Variants in ESRRG observed in about 807,000 individuals in gnomAD.
ESRRG encodes estrogen-related receptor gamma.
Under a neutral mutation model 44.0 loss-of-function variants are expected in ESRRG, and 13 were observed. The observed-to-expected ratio is 0.30, with a 90% CI of 0.19 to 0.47. ESRRG has a LOEUF of 0.47. Among genes scored for constraint, ESRRG ranks in the 20% least tolerant of loss-of-function variants. The pLI is 1.00. For synonymous variants in ESRRG, 215 were observed against 214.6 expected, an observed-to-expected ratio of 1.00 and a Z score of -0.02; for missense variants, 395 against 580.6, an observed-to-expected ratio of 0.68 and a Z score of 3.29.
upstream of ESRRG, among the ~76,000 whole-genome samples, chr1:216,727,624 C>A (rs1339797528): frequency 6.6e-6 from 1 of 152,096 alleles, no homozygotes; most frequent in African/African-American, 2.4e-5. Context: ...ATTCATCATT[C>A]CTCATTTTCT....
At chr1:216,649,709 TGA>T (rs1559021686) in intron 3 of ESRRG, among the ~76,000 whole-genome samples, 1 of 152,292 alleles carries the variant, frequency 6.6e-6, no homozygotes, top group East Asian at 1.9e-4. Context: ...TAGAAGAATT[TGA>T]GAGTGTCTTC....
chr1:216,523,146 A>C (rs1833037), intron 5 of ESRRG, among the ~76,000 whole-genome samples: 115,240 of 152,056 alleles, frequency 0.76, 43,822 homozygotes, highest in East Asian at 0.83. Context: ...TTTTTCTTCC[A>C]CAGCTATAGC....
At chr1:216,855,637 A>G (rs1045196859) in intron 2 of ESRRG, among the ~76,000 whole-genome samples, 4 of 152,146 alleles carry the variant, frequency 2.6e-5, no homozygotes, top group African/African-American at 9.7e-5. Flanking sequence ...GGCACGTGGA[A>G]GGAAGAGTCC....
At chr1:216,539,906 T>C (rs1312557830) in intron 5 of ESRRG, among the ~76,000 whole-genome samples, 1 of 152,066 alleles carries the variant, frequency 6.6e-6, no homozygotes, top group Non-Finnish European at 1.5e-5. Flanking sequence ...AAAATATTTC[T>C]TAATTCTACC....
chr1:216,556,210 A>T (rs2057516049), intron 5 of ESRRG, among the ~76,000 whole-genome samples: 1 of 151,906 alleles, frequency 6.6e-6, no homozygotes, highest in East Asian at 1.9e-4. Flanking sequence ...TCCATTAACA[A>T]AAAAGAAGAG....
At chr1:216,963,196 A>G (rs1334542081) in intron 1 of ESRRG, among the ~76,000 whole-genome samples, 1 of 152,196 alleles carries the variant, frequency 6.6e-6, no homozygotes, top group Non-Finnish European at 1.5e-5. Context: ...CCCTGAGGAA[A>G]GAACAAAAGG....
chr1:216,993,154 T>C (rs2075956947), intron 1 of ESRRG, among the ~76,000 whole-genome samples: 1 of 152,210 alleles, frequency 6.6e-6, no homozygotes, highest in African/African-American at 2.4e-5. Context: ...AATGAATGAG[T>C]TATTTTATTC....
chr1:216,736,044 A>C (rs939634436), intron 2 of ESRRG, among the ~76,000 whole-genome samples: 1 of 148,948 alleles, frequency 6.7e-6, no homozygotes, highest in Admixed American at 6.7e-5. Flanking sequence ...GGGTCACTAT[A>C]CTCACCTTCA....
chr1:216,681,452 C>T (rs930478072), intron 1 of ESRRG, among the ~76,000 whole-genome samples: 1 of 152,198 alleles, frequency 6.6e-6, no homozygotes, highest in Admixed American at 6.5e-5. Context: ...GCTCCCCCCA[C>T]CCGACAACAG....
At chr1:216,575,075 T>C (rs1473485128) in intron 3 of ESRRG, among the ~76,000 whole-genome samples, 4 of 152,034 alleles carry the variant, frequency 2.6e-5, no homozygotes, top group African/African-American at 9.7e-5. Context: ...CAGTGGCAAT[T>C]TTAGTGCCAG....
At chr1:216,554,449 T>C (rs2057094260) in intron 5 of ESRRG, among the ~76,000 whole-genome samples, 1 of 106,446 alleles carries the variant, frequency 9.4e-6, no homozygotes, top group Admixed American at 9.9e-5. Flanking sequence ...AGTGACTCTG[T>C]CTCAAAAAAA....
At chr1:216,974,019 C>CTCAG (rs1311523430) in intron 1 of ESRRG, among the ~76,000 whole-genome samples, 3 of 152,110 alleles carry the variant, frequency 2.0e-5, no homozygotes, top group Non-Finnish European at 2.9e-5. Context: ...AACACAGTAA[C>CTCAG]TCAGTCACAA....
rs146296506 is a variant in ESRRG at position 217,041,017 on chromosome 1, T to C, written c.-106+48490A>G. Among the ~76,000 whole-genome samples the C allele has an allele frequency of 3.6e-3, 554 of 152,334 alleles. 2 individuals carry two copies. Among genetic ancestry groups the C allele is most frequent in the African/African-American group, 0.013 (525 of 41,588 alleles). Reference sequence around the variant, plus strand: ...TATATTCAGTTACTCCTTTTTTACATTGGGAACCCTCAACAGCTCAGATAA... The same window carrying C: ...TATATTCAGTTACTCCTTTTTTACACTGGGAACCCTCAACAGCTCAGATAA... On this transcript the variant is annotated intron_variant, in intron 1 of 7. Transcript: ENST00000359162.
chr1:216,724,377 T>TTG (rs1553543746), upstream of ESRRG, among the ~76,000 whole-genome samples: 1 of 150,846 alleles, frequency 6.6e-6, no homozygotes, highest in Non-Finnish European at 1.5e-5. Context: ...TTTTTTTTTT[T>TTG]GTAGGGAGAG....
intron 2 of ESRRG, among the ~76,000 whole-genome samples, chr1:216,901,886 G>C (rs1292501880): frequency 6.6e-6 from 1 of 151,908 alleles, no homozygotes; most frequent in Non-Finnish European, 1.5e-5. Flanking sequence ...CCAAGCATCT[G>C]GGACTCCAGG....
intron 2 of ESRRG, among the ~76,000 whole-genome samples, chr1:216,819,782 G>T (rs1235215193): frequency 2.0e-5 from 3 of 152,058 alleles, no homozygotes; most frequent in African/African-American, 7.2e-5. Flanking sequence ...CTAAGCAGAG[G>T]GATGTAACAC....
chr1:217,032,880 A>G lies in ESRRG; in HGVS notation c.-106+56627T>C, dbSNP rs181989224. Among the ~76,000 whole-genome samples the G allele has an allele frequency of 1.0e-3, 157 of 152,332 alleles. 1 individual carries two copies. The highest frequency in any genetic ancestry group is 2.1e-3 in the Non-Finnish European group (142 of 68,024). ...CTCTATTGTGCAATAATTGGTCCCC[A>G]TTGTTACATGCACAATTTGGCTGCT... is the stretch of plus-strand genomic sequence containing the variant. On this transcript the variant is annotated intron_variant, in intron 1 of 7. Transcript: ENST00000359162.
At chr1:216,535,028 T>C (rs1008067837) in intron 5 of ESRRG, among the ~76,000 whole-genome samples, 1 of 152,060 alleles carries the variant, frequency 6.6e-6, no homozygotes, top group Non-Finnish European at 1.5e-5. Context: ...AGGCTGAGTG[T>C]GGGGTTGATG....
At chr1:216,519,885 C>T (rs1387638992) in intron 5 of ESRRG, among the ~76,000 whole-genome samples, 3 of 150,544 alleles carry the variant, frequency 2.0e-5, no homozygotes, top group Non-Finnish European at 2.9e-5. Flanking sequence ...ACAATTTAGG[C>T]CATAGAGCTC....
Sources: allele counts gnomAD v4.1 joint callset (sites outside exome capture counted in the v4.1 genomes callset), GRCh38; gene constraint gnomAD v4.1.1; transcripts MANE v1.5; gene names NCBI Gene and HGNC (gene_info 2026-07-23, HGNC 2026-07-21).